Variants in EPG5 observed in about 807,000 individuals in gnomAD.
EPG5 encodes ectopic P granules protein 5 homolog.
EPG5 carries 159 observed loss-of-function variants against 302.7 expected under a neutral mutation model. The ratio of observed to expected loss-of-function variants is 0.53; its 90% CI spans 0.46 to 0.60. The LOEUF is 0.60. Among genes scored for constraint, EPG5 ranks in the 20% least tolerant of loss-of-function variants. EPG5 has a pLI of 0.00. For missense variants in EPG5, 2,896 were observed against 3,092.4 expected (o/e 0.94, Z 1.51); for synonymous variants, 1,158 against 1,136.8 (o/e 1.02, Z -0.37).
Position 45,849,001 on chromosome 18 carries a change from T to C in EPG5, c.*3466A>G, listed in dbSNP as rs1158859066. On this transcript the variant is annotated 3_prime_UTR_variant, in exon 44 of 44. Transcript: ENST00000282041. ...CCTTGGGAGGCTGAGGCAGAATAGC[T>C]TGAACCCAGGAGGCGGAGGTTGCAG... The C allele has an allele frequency of 6.6e-6, 1 of 151,308 alleles. No homozygotes were observed. Among genetic ancestry groups the C allele is most frequent in the East Asian group, 1.9e-4 (1 of 5,146 alleles). The allele number at this position is 151,308 out of a possible 1,614,324, so 9.4% of individuals were successfully genotyped here.
chr18:45,955,520 T>C (rs545684580), intron 1 of EPG5, among the ~76,000 whole-genome samples, 182 bp from the exon 2 acceptor site: 13 of 152,230 alleles, frequency 8.5e-5, no homozygotes, highest in Non-Finnish European at 1.5e-4. Flanking sequence ...GTTTCATATT[T>C]CGTATTATCC....
At chr18:45,938,241 A>G (rs185182628) in intron 10 of EPG5, among the ~76,000 whole-genome samples, 5 of 152,248 alleles carry the variant, frequency 3.3e-5, no homozygotes, top group Admixed American at 2.6e-4. Flanking sequence ...CGGGCAGATC[A>G]CTTGAGGTCA....
intron 29 of EPG5, 82 bp from the exon 30 acceptor site, chr18:45,884,893 C>A: frequency 3.2e-6 from 3 of 939,646 alleles, no homozygotes; most frequent in Non-Finnish European, 4.5e-6. Context: ...TAAGGGGCAC[C>A]AAATAAGGTG....
chr18:45,945,111 A>C (rs528977757), intron 7 of EPG5, among the ~76,000 whole-genome samples: 1 of 152,234 alleles, frequency 6.6e-6, no homozygotes, highest in East Asian at 1.9e-4. Flanking sequence ...AGAATATATC[A>C]CCTCAATTTC....
intron 4 of EPG5, among the ~76,000 whole-genome samples, chr18:45,950,532 A>G (rs1259210409): frequency 6.6e-6 from 1 of 152,206 alleles, no homozygotes; most frequent in African/African-American, 2.4e-5. Context: ...AGACCTCCTC[A>G]GCCATATGGA....
At chr18:45,816,433 G>GA in the EPG5 span, among the ~76,000 whole-genome samples, 3 of 151,104 alleles carry the variant, frequency 2.0e-5, no homozygotes, top group East Asian at 1.9e-4. Context: ...AAATCAGCAA[G>GA]AAAAAAACAA....
In EPG5 at chr18:45,936,385, TA is replaced by T. The variant is rs988586563; in HGVS notation, c.2100-1420del. Among the ~76,000 whole-genome samples the T allele has an allele frequency of 9.3e-5, 14 of 150,890 alleles. No individual in the cohort carries two copies. In the East Asian group the frequency reaches 1.9e-3, roughly 21 times the overall value. On this transcript the variant is annotated intron_variant, in intron 10 of 43. Coordinates refer to ENST00000282041, the MANE Select transcript of EPG5 (RefSeq NM_020964.3). ...AATTGTATGTAAATGTTATCACAAC[TA>T]AAAAAAAACACTTGTATCAGGATGG...
In EPG5 at chr18:45,944,090, G is replaced by C. The variant is rs1445665065; in HGVS notation, c.1707C>G (p.Leu569=). The C allele has an allele frequency of 1.2e-6, 2 of 1,613,556 alleles. No homozygotes were observed. Among genetic ancestry groups the C allele is most frequent in the African/African-American group, 2.7e-5 (2 of 74,896 alleles). The part of the protein sequence containing the change: ...EDEDPETSWI[L]LNEDDLVTIL... ...TGGTAACCAAATCATCTTCATTAAG[G>C]AGAATCCAACTGGTCTCAGGGTCTT... The change falls in exon 8 of 44, where the codon CTC becomes CTG. Residue 569 remains leucine, a synonymous_variant. Coordinates refer to ENST00000282041, the MANE Select transcript of EPG5 (RefSeq NM_020964.3).
the EPG5 span, among the ~76,000 whole-genome samples, chr18:45,805,321 T>C: frequency 1.3e-5 from 2 of 151,814 alleles, no homozygotes; most frequent in Admixed American, 1.3e-4. Flanking sequence ...ATGTAAGATG[T>C]TAACTTCAGC....
At chr18:45,909,323 G>A (rs2049836706) in intron 23 of EPG5, among the ~76,000 whole-genome samples, 1 of 152,174 alleles carries the variant, frequency 6.6e-6, no homozygotes, top group African/African-American at 2.4e-5. Flanking sequence ...GACTCTCTTG[G>A]CTTATCTAAA....
chr18:45,932,114 C>T (rs1010074121), intron 11 of EPG5, among the ~76,000 whole-genome samples: 2 of 151,356 alleles, frequency 1.3e-5, no homozygotes, highest in African/African-American at 2.4e-5. Flanking sequence ...ATCATTCTAA[C>T]GTATATTGTG....
rs577384182 is a variant in EPG5, at chr18:45,851,804, T to G, written c.*663A>C. 1 of 152,376 alleles carries G rather than the reference T, an allele frequency of 6.6e-6. No homozygotes were observed. Among genetic ancestry groups the G allele is most frequent in the Non-Finnish European group, 1.5e-5 (1 of 68,090 alleles). The allele number at this position is 152,376 out of a possible 1,614,324, so 9.4% of individuals were successfully genotyped here. On this transcript the variant is annotated 3_prime_UTR_variant, in exon 44 of 44. Coordinates refer to ENST00000282041, the MANE Select transcript of EPG5 (RefSeq NM_020964.3). ...CCAGACTGCCAGCTTGCCATCCTGATTCAGACAGGCAGCTTCTCCATGAGG... is the reference window on the plus strand; with the variant it reads ...CCAGACTGCCAGCTTGCCATCCTGAGTCAGACAGGCAGCTTCTCCATGAGG...
chr18:45,927,613 C>CAT (rs200022553), intron 13 of EPG5, among the ~76,000 whole-genome samples: 4,603 of 151,600 alleles, frequency 0.03, 215 homozygotes, highest in African/African-American at 0.1. Context: ...CACACACACA[C>CAT]ACACACACAC....
chr18:45,823,060 A>G, the EPG5 span, among the ~76,000 whole-genome samples: 1 of 152,204 alleles, frequency 6.6e-6, no homozygotes, highest in African/African-American at 2.4e-5. Context: ...GGAAAAACAC[A>G]CAGGTAGGCA....
In EPG5 at chr18:45,915,950, T is replaced by C; in HGVS notation, c.3582+59A>G. 6.2e-6 allele frequency: 9 copies of C among 1,454,194 alleles called. No homozygotes were observed. The South Asian group carries it at 1.1e-4, about 17-fold the overall frequency. 90.1% of individuals were successfully genotyped at this position (1,454,194 alleles called of 1,614,324 possible). ...AAAACTGTACTTGGGGGAATCTTTT[T>C]AGAAAGCTACTTTATCTAGCCAATC... is the stretch of plus-strand genomic sequence containing the variant. On this transcript the variant is annotated intron_variant, in intron 19 of 43. Coordinates refer to ENST00000282041, the MANE Select transcript of EPG5 (RefSeq NM_020964.3).
chr18:45,899,487 G>A lies in EPG5; in HGVS notation c.4726C>T (p.Arg1576Cys), dbSNP rs1261427390. The part of the protein sequence containing the change: ...LDTMPKQYVN[R>C]EEQTTLHLEC... Reference sequence around the variant, plus strand: ...AAATGTAGTGTGGTCTGTTCTTCACGATTCACATACTGCTTTGGCATTGTG... The same window carrying A: ...AAATGTAGTGTGGTCTGTTCTTCACAATTCACATACTGCTTTGGCATTGTG... Residue 1576 changes from arginine to cysteine, a missense_variant, in exon 27 of 44, where the codon CGT becomes TGT. Around this residue, in one of 5 missense-constraint regions of EPG5, gnomAD observed 790 missense variants for 798.0 expected, o/e 0.99. Coordinates refer to ENST00000282041, the MANE Select transcript of EPG5 (RefSeq NM_020964.3). 4.3e-6 allele frequency: 7 copies of A among 1,614,040 alleles called. No homozygotes were observed. Among genetic ancestry groups the A allele is most frequent in the African/African-American group, 2.7e-5 (2 of 74,900 alleles).
chr18:45,852,512 A>G lies in EPG5; in HGVS notation c.7695T>C (p.Val2565=). 1.2e-6 allele frequency: 2 copies of G among 1,614,258 alleles called. No individual in the cohort carries two copies. The highest frequency in any genetic ancestry group is 2.2e-5 in the South Asian group (2 of 91,088). The change falls in exon 44 of 44, where the codon GTT becomes GTC. Residue 2565 remains valine (V), a synonymous_variant. Coordinates refer to ENST00000282041, the MANE Select transcript of EPG5 (RefSeq NM_020964.3). ...AATGCACTTCTGGATACAGACAGTT[A>G]ACGAGAAGAGCCAAGAAGCTTTTCC... ...QDGKSFLALL[V]NCLYPEVHYL... is the part of the protein sequence containing the mutation.
chr18:45,948,535 C>A lies in EPG5; in HGVS notation c.1539G>T (p.Met513Ile), dbSNP rs369120436. The stretch of plus-strand genomic sequence containing the variant: ...GAGACATCAGCAGGGCAAGGGATTG[C>A]ATAAAATGAAAGACCCCTGATGGGT... ...LHNPSGVFHF[M>I]QSLALLMSPV... The change falls in exon 6 of 44, where the codon ATG becomes ATT. Residue 513 changes from methionine (M) to isoleucine (I), a missense_variant. This residue lies in a region of EPG5 where 1,390 missense variants were observed against 1,430.0 expected (regional missense o/e 0.97). Coordinates refer to ENST00000282041, the MANE Select transcript of EPG5 (RefSeq NM_020964.3). 3.6e-5 allele frequency: 58 copies of A among 1,613,818 alleles called. No individual in the cohort carries two copies. In the African/African-American group the frequency reaches 7.2e-4, roughly 20 times the overall value.
chr18:45,815,940 G>A, the EPG5 span, among the ~76,000 whole-genome samples: 1 of 152,074 alleles, frequency 6.6e-6, no homozygotes, highest in Admixed American at 6.5e-5. Context: ...ACAAAAATAG[G>A]CACATAGACT....
Sources: allele counts gnomAD v4.1 joint callset (sites outside exome capture counted in the v4.1 genomes callset), GRCh38; gene constraint gnomAD v4.1.1; regional missense constraint gnomAD v4.1.1; transcripts MANE v1.5; gene names NCBI Gene and HGNC (gene_info 2026-07-23, HGNC 2026-07-21).